SERPINB11: variants seen among roughly 807,000 people sequenced by gnomAD.
The protein encoded by SERPINB11 is serpin family B member 11, also known as serpin B11.
A neutral mutation model predicts 36.7 loss-of-function variants in SERPINB11; 32 were observed. The ratio of observed to expected loss-of-function variants is 0.87; its 90% CI spans 0.66 to 1.17. The LOEUF is 1.17. SERPINB11 is among the 50% of genes most tolerant of loss of function. The pLI, the probability that SERPINB11 is intolerant of heterozygous loss-of-function variation, is 0.00. For missense variants in SERPINB11, 528 were observed against 458.4 expected (o/e 1.15, Z -1.39); for synonymous variants, 174 against 168.1 (o/e 1.04, Z -0.27).
intron 7 of SERPINB11, among the ~76,000 whole-genome samples, chr18:63,721,899 C>A (rs1159792453): frequency 6.6e-6 from 1 of 152,158 alleles, no homozygotes; most frequent in African/African-American, 2.4e-5. Context: ...TCCCTAAGGG[C>A]CTGTGGTTGA....
chr18:63,722,814 C>A (rs1261551430), intron 7 of SERPINB11, among the ~76,000 whole-genome samples, 181 bp from the exon 8 acceptor site: 1 of 152,018 alleles, frequency 6.6e-6, no homozygotes, highest in Non-Finnish European at 1.5e-5. Flanking sequence ...GAGAAACAGA[C>A]AACAGAAAAG....
At chr18:63,711,721 T>C (rs1170943327) in intron 3 of SERPINB11, among the ~76,000 whole-genome samples, 1 of 152,168 alleles carries the variant, frequency 6.6e-6, no homozygotes, top group Non-Finnish European at 1.5e-5. Flanking sequence ...GAGTGGGGAC[T>C]GAGAAAGGAC....
intron 5 of SERPINB11, 80 bp from the exon 6 acceptor site, chr18:63,719,933 C>A: frequency 1.7e-6 from 2 of 1,145,904 alleles, no homozygotes; most frequent in South Asian, 1.8e-5. Flanking sequence ...AAAGAAATGG[C>A]TCTAAATTTC....
intron 1 of SERPINB11, among the ~76,000 whole-genome samples, chr18:63,708,257 G>A (rs1398268470): frequency 1.3e-5 from 2 of 152,138 alleles, no homozygotes; most frequent in East Asian, 3.9e-4. Flanking sequence ...GGAAGACAGT[G>A]GAGTTTTTGA....
At chr18:63,714,050 C>T (rs144273986) in intron 4 of SERPINB11, among the ~76,000 whole-genome samples, 2 of 152,242 alleles carry the variant, frequency 1.3e-5, no homozygotes, top group African/African-American at 2.4e-5. Context: ...GGGAACCCGC[C>T]CTGATAATTC....
In SERPINB11 at chr18:63,716,020, T is replaced by A. The variant is rs80044497; in HGVS notation, c.358-15T>A. Reference sequence around the variant, plus strand: ...CTGCTTTTGAATTGTTGTTCAATTATCATGTCTTTCATAGCAATATTTAAG... The same window carrying A: ...CTGCTTTTGAATTGTTGTTCAATTAACATGTCTTTCATAGCAATATTTAAG... On this transcript the variant is annotated splice_polypyrimidine_tract_variant and intron_variant, in intron 4 of 7. Transcript: ENST00000544088. 1.1e-3 allele frequency: 1,645 copies of A among 1,530,814 alleles called. 20 individuals are homozygous for A. The African/African-American group carries it at 0.02, about 18-fold the overall frequency. 94.8% of individuals were successfully genotyped at this position (1,530,814 alleles called of 1,614,324 possible).
rs146554636 is a variant in SERPINB11, at chr18:63,716,297, C to G, written c.475+145C>G. On this transcript the variant is annotated intron_variant, in intron 5 of 7. Coordinates refer to ENST00000544088, the MANE Select transcript of SERPINB11 (RefSeq NM_001370475.1). Reference sequence around the variant, plus strand: ...AGGAATGGGGCCATATTTTGGAATACCCCTTACAATCAGTTGTTCTAGAAG... The same window carrying G: ...AGGAATGGGGCCATATTTTGGAATAGCCCTTACAATCAGTTGTTCTAGAAG... The G allele has an allele frequency of 3.1e-5, 16 of 511,220 alleles. No homozygotes were observed. In the East Asian group the frequency reaches 5.1e-4, roughly 16 times the overall value. The allele number at this position is 511,220 out of a possible 1,614,324, so 31.7% of individuals were successfully genotyped here.
intron 6 of SERPINB11, 169 bp downstream of exon 6, chr18:63,720,324 A>G: frequency 1.6e-6 from 1 of 631,908 alleles, no homozygotes; most frequent in Non-Finnish European, 2.7e-6. Context: ...AAGTGACAAT[A>G]ACTTTTATCA....
At chr18:63,720,645 CTT>C in intron 6 of SERPINB11, 184 bp from the exon 7 acceptor site, 1 of 539,548 alleles carries the variant, frequency 1.9e-6, no homozygotes, top group Non-Finnish European at 3.2e-6. Flanking sequence ...CTAACCATGA[CTT>C]ATTTTAAATT....
chr18:63,716,911 A>G (rs1914683700), intron 5 of SERPINB11, among the ~76,000 whole-genome samples: 1 of 152,120 alleles, frequency 6.6e-6, no homozygotes, highest in Non-Finnish European at 1.5e-5. Flanking sequence ...ACATACATAT[A>G]GAAAAGTAAA....
rs963087685 is a variant in SERPINB11, at chr18:63,711,489, C to T, written c.228+95C>T. 8.8e-6 allele frequency: 8 copies of T among 913,782 alleles called. No homozygotes were observed. In the African/African-American group the frequency reaches 1.2e-4, roughly 13 times the overall value. The allele number at this position is 913,782 out of a possible 1,614,324, so 56.6% of individuals were successfully genotyped here. On this transcript the variant is annotated intron_variant, in intron 3 of 7. Coordinates refer to ENST00000544088, the MANE Select transcript of SERPINB11 (RefSeq NM_001370475.1). ...TTGAGTAGAAAAGCTCCTTCTTTTG[C>T]CCATGAGGGAACCAGCTATGTGTCC...
chr18:63,706,802 C>G (rs1403302), intron 1 of SERPINB11, among the ~76,000 whole-genome samples: 63,514 of 152,046 alleles, frequency 0.42, 14,494 homozygotes, highest in Non-Finnish European at 0.53. Flanking sequence ...ATTGGGTAAT[C>G]AATTCACTCA....
intron 4 of SERPINB11, among the ~76,000 whole-genome samples, chr18:63,713,844 G>C (rs556846715): frequency 6.6e-6 from 1 of 152,160 alleles, no homozygotes; most frequent in Non-Finnish European, 1.5e-5. Flanking sequence ...TTCCAGAAGT[G>C]AGAAGGTCCT....
chr18:63,706,856 C>T (rs538467154), intron 1 of SERPINB11, among the ~76,000 whole-genome samples: 1 of 152,196 alleles, frequency 6.6e-6, no homozygotes, highest in Non-Finnish European at 1.5e-5. Flanking sequence ...TCCTTCTTCT[C>T]TGAAATCCTG....
At chr18:63,717,780 C>T (rs1238888803) in intron 5 of SERPINB11, among the ~76,000 whole-genome samples, 1 of 151,788 alleles carries the variant, frequency 6.6e-6, no homozygotes, top group East Asian at 1.9e-4. Flanking sequence ...TGCATCTTAT[C>T]TTTCCCATCT....
intron 7 of SERPINB11, among the ~76,000 whole-genome samples, chr18:63,721,767 A>G (rs1429673779): frequency 6.6e-6 from 1 of 152,126 alleles, no homozygotes; most frequent in African/African-American, 2.4e-5. Flanking sequence ...CAGGGTCAGG[A>G]CGTACGCATT....
intron 3 of SERPINB11, 147 bp downstream of exon 3, chr18:63,711,541 C>T (rs1914527496): frequency 4.9e-6 from 3 of 616,960 alleles, no homozygotes; most frequent in Middle Eastern, 2.6e-4. Context: ...ATGATAACTA[C>T]AGCCTGTAGA....
chr18:63,723,034 A>G lies in SERPINB11; in HGVS notation c.814A>G (p.Thr272Ala). Residue 272 changes from threonine (T) to alanine (A), a missense_variant, in exon 8 of 8, where the codon ACA (threonine) becomes GCA (alanine). Transcript: ENST00000544088. ...GAATTCGGGGACGTTTCATGAGTGG[A>G]CAAGCTCTTCTAACATGATGGAAAG... The part of the protein sequence containing the change: ...QLNSGTFHEW[T>A]SSSNMMEREV... The G allele has an allele frequency of 6.3e-7, 1 of 1,595,106 alleles. No individual in the cohort carries two copies. The highest frequency in any genetic ancestry group is 1.7e-5 in the Admixed American group (1 of 57,182).
intron 1 of SERPINB11, among the ~76,000 whole-genome samples, chr18:63,709,740 T>C (rs1330112098): frequency 6.6e-6 from 1 of 152,216 alleles, no homozygotes; most frequent in Non-Finnish European, 1.5e-5. Flanking sequence ...TGTTCTCCTG[T>C]GACACTGCAA....
Sources: gnomAD v4.1 joint callset for allele counts (sites outside exome capture counted in the v4.1 genomes callset) on GRCh38, gnomAD v4.1.1 for gene constraint, MANE v1.5 for transcripts, NCBI Gene and HGNC (gene_info 2026-07-23, HGNC 2026-07-21) for gene names.